The following ADGRB3 variants were observed in gnomAD, a reference collection of about 807,000 sequenced individuals.
ADGRB3 encodes the protein brain-specific angiogenesis inhibitor 3.
A neutral mutation model predicts 193.4 loss-of-function variants in ADGRB3; 37 were observed. The observed-to-expected ratio is 0.19, with a 90% confidence interval of 0.15 to 0.25. ADGRB3 has a LOEUF of 0.25. Among genes scored for constraint, ADGRB3 ranks in the 10% least tolerant of loss-of-function variants. The pLI, the probability that ADGRB3 is intolerant of heterozygous loss-of-function variation, is 1.00. For missense variants in ADGRB3, 1,637 were observed against 1,852.9 expected (o/e 0.88, Z 2.14); for synonymous variants, 690 against 644.2 (o/e 1.07, Z -1.08).
chr6:68,824,072 CT>C (rs1266341884), intron 3 of ADGRB3, among the ~76,000 whole-genome samples: 2 of 152,060 alleles, frequency 1.3e-5, no homozygotes, highest in Non-Finnish European at 2.9e-5. Flanking sequence ...TTAGTGATTC[CT>C]GAATCTGAGG....
At chr6:68,967,116 C>T (rs1582356048) in intron 8 of ADGRB3, among the ~76,000 whole-genome samples, 1 of 152,138 alleles carries the variant, frequency 6.6e-6, no homozygotes, top group East Asian at 1.9e-4. Context: ...TTTCCCCTGC[C>T]ATCTTCCTTT....
chr6:68,831,894 T>C (rs1582237720), intron 3 of ADGRB3, among the ~76,000 whole-genome samples: 2 of 152,128 alleles, frequency 1.3e-5, no homozygotes, highest in Non-Finnish European at 2.9e-5. Flanking sequence ...AAATTTGTAG[T>C]TTCATAATAT....
intron 25 of ADGRB3, 57 bp from the exon 26 acceptor site, chr6:69,339,276 G>T: frequency 6.4e-7 from 1 of 1,565,782 alleles, no homozygotes; most frequent in Non-Finnish European, 8.7e-7. Flanking sequence ...TGGGGGTTTG[G>T]CTATGGCCTG....
At chr6:69,093,802 G>T (rs1308757740) in intron 17 of ADGRB3, among the ~76,000 whole-genome samples, 1 of 152,142 alleles carries the variant, frequency 6.6e-6, no homozygotes, top group Non-Finnish European at 1.5e-5. Context: ...AGCAGTAGAG[G>T]AGTGAGCTGC....
intron 3 of ADGRB3, among the ~76,000 whole-genome samples, chr6:68,791,326 T>C (rs1767103263): frequency 6.6e-6 from 1 of 152,220 alleles, no homozygotes; most frequent in Non-Finnish European, 1.5e-5. Context: ...AAATGTTGCT[T>C]TTAAAACAAG....
intron 3 of ADGRB3, among the ~76,000 whole-genome samples, chr6:68,740,467 G>C (rs986793117): frequency 2.6e-5 from 4 of 152,102 alleles, no homozygotes; most frequent in Admixed American, 6.6e-5. Context: ...TGGGTAATTA[G>C]AGCATCTTTA....
chr6:68,752,441 C>CCT (rs1264860369), intron 3 of ADGRB3, among the ~76,000 whole-genome samples: 2 of 151,646 alleles, frequency 1.3e-5, no homozygotes, highest in Non-Finnish European at 2.9e-5. Context: ...CATGCCTGGC[C>CCT]AATTTTATAT....
At chr6:69,266,576 A>G (rs1212716805) in intron 20 of ADGRB3, among the ~76,000 whole-genome samples, 4 of 152,054 alleles carry the variant, frequency 2.6e-5, no homozygotes, top group Admixed American at 2.6e-4. Flanking sequence ...TCAATGTTAT[A>G]GTTTAGTAAT....
At chr6:69,018,106 A>G (rs1770150820) in intron 12 of ADGRB3, among the ~76,000 whole-genome samples, 1 of 151,924 alleles carries the variant, frequency 6.6e-6, no homozygotes, top group South Asian at 2.1e-4. Flanking sequence ...TCATCAAAAG[A>G]AAAGTCGTCT....
At chr6:69,225,861 CT>C (rs1766001681) in intron 17 of ADGRB3, among the ~76,000 whole-genome samples, 1 of 152,104 alleles carries the variant, frequency 6.6e-6, no homozygotes, top group Non-Finnish European at 1.5e-5. Flanking sequence ...TAAATGTTAG[CT>C]ATTTTCACTA....
At chr6:69,263,709 A>T (rs1766976254) in intron 20 of ADGRB3, among the ~76,000 whole-genome samples, 1 of 151,976 alleles carries the variant, frequency 6.6e-6, no homozygotes, top group African/African-American at 2.4e-5. Context: ...TGGGGAAGTA[A>T]AATTTCAGGC....
intron 3 of ADGRB3, among the ~76,000 whole-genome samples, chr6:68,762,294 C>T (rs1766407364): frequency 6.6e-6 from 1 of 151,928 alleles, no homozygotes; most frequent in African/African-American, 2.4e-5. Flanking sequence ...TTTTTAAGAG[C>T]TTTGTAATCT....
chr6:68,676,824 T>G (rs1238764331), intron 3 of ADGRB3, among the ~76,000 whole-genome samples: 1 of 152,006 alleles, frequency 6.6e-6, no homozygotes, highest in Non-Finnish European at 1.5e-5. Flanking sequence ...TTACCAAGGG[T>G]TTCAAGTTAA....
At chr6:68,834,759 A>G (rs1768015352) in intron 3 of ADGRB3, among the ~76,000 whole-genome samples, 1 of 152,150 alleles carries the variant, frequency 6.6e-6, no homozygotes, top group Non-Finnish European at 1.5e-5. Context: ...ACTGACTCCA[A>G]ACTGATGAGT....
At chr6:68,815,904 T>C (rs1323046847) in intron 3 of ADGRB3, among the ~76,000 whole-genome samples, 1 of 152,118 alleles carries the variant, frequency 6.6e-6, no homozygotes, top group African/African-American at 2.4e-5. Context: ...AATAAAACTT[T>C]ATATCTTAAA....
intron 20 of ADGRB3, among the ~76,000 whole-genome samples, chr6:69,277,089 G>T (rs537228101): frequency 6.6e-6 from 1 of 150,682 alleles, no homozygotes; most frequent in Non-Finnish European, 1.5e-5. Flanking sequence ...TCTGCCTCCC[G>T]GGTTCAAGCG....
intron 3 of ADGRB3, among the ~76,000 whole-genome samples, chr6:68,877,129 C>T (rs1235041902): frequency 1.3e-5 from 2 of 151,880 alleles, no homozygotes; most frequent in Non-Finnish European, 2.9e-5. Flanking sequence ...TCATTAATTA[C>T]TTAATGGGTA....
intron 6 of ADGRB3, among the ~76,000 whole-genome samples, chr6:68,953,216 G>A (rs1767980117): frequency 6.6e-6 from 1 of 151,762 alleles, no homozygotes; most frequent in Non-Finnish European, 1.5e-5. Context: ...TATAACTATT[G>A]CATTCATAAT....
At chr6:69,334,378 T>G (rs1229125902) in intron 24 of ADGRB3, among the ~76,000 whole-genome samples, 2 of 152,222 alleles carry the variant, frequency 1.3e-5, no homozygotes, top group African/African-American at 2.4e-5. Context: ...AAGACTAAAT[T>G]TAATGGTTTT....
Sources: gnomAD v4.1 joint callset for allele counts (sites outside exome capture counted in the v4.1 genomes callset) on GRCh38, gnomAD v4.1.1 for gene constraint, MANE v1.5 for transcripts, NCBI Gene and HGNC (gene_info 2026-07-23, HGNC 2026-07-21) for gene names.